Variants in PLA2G7 observed in about 807,000 individuals in gnomAD.
PLA2G7 encodes phospholipase A2 group VII.
Under a neutral mutation model 49.6 loss-of-function variants are expected in PLA2G7, and 63 were observed. The observed-to-expected ratio is 1.27, with a 90% CI of 1.04 to 1.57. PLA2G7 has a LOEUF of 1.57. Among genes scored for constraint, PLA2G7 ranks in the 40% most tolerant of loss-of-function variants. The pLI is 0.00. For missense variants in PLA2G7, 596 were observed against 521.2 expected (o/e 1.14, Z -1.40); for synonymous variants, 193 against 169.9 (o/e 1.14, Z -1.06).
In PLA2G7 at chr6:46,716,847, A is replaced by T. The variant is rs934106829; in HGVS notation, c.231+128T>A. 3.2e-6 allele frequency: 3 copies of T among 951,872 alleles called. No homozygotes were observed. In the African/African-American group the frequency reaches 4.8e-5, roughly 15 times the overall value. The allele number at this position is 951,872 out of a possible 1,614,324, so 59.0% of individuals were successfully genotyped here. On this transcript the variant is annotated intron_variant, in intron 3 of 11. Transcript: ENST00000274793. Reference sequence around the variant, plus strand: ...CCAAACTAGTAAAAGCCTTCATATGAAACAATACAAATTGCAAAATGAGTC... The same window carrying T: ...CCAAACTAGTAAAAGCCTTCATATGTAACAATACAAATTGCAAAATGAGTC...
intron 1 of PLA2G7, among the ~76,000 whole-genome samples, chr6:46,730,859 G>T (rs1765715959): frequency 6.6e-6 from 1 of 152,150 alleles, no homozygotes; most frequent in Non-Finnish European, 1.5e-5. Context: ...GAAAAATATG[G>T]TGGTTGATAT....
Position 46,711,484 on chromosome 6 carries a change from A to T in PLA2G7, c.663+12T>A. ...TAGGTCACCAACCACCTCTCCTTTC[A>T]CTGCAATGTACCTGCTCATTTCGTA... On this transcript the variant is annotated intron_variant, in intron 7 of 11. Transcript: ENST00000274793. The T allele has an allele frequency of 6.2e-7, 1 of 1,613,254 alleles. No individual in the cohort carries two copies. Among genetic ancestry groups the T allele is most frequent in the Non-Finnish European group, 8.5e-7 (1 of 1,179,372 alleles).
intron 5 of PLA2G7, among the ~76,000 whole-genome samples, chr6:46,712,575 A>G (rs1388566979): frequency 6.6e-6 from 1 of 152,208 alleles, no homozygotes; most frequent in Non-Finnish European, 1.5e-5. Flanking sequence ...TCTAGTGGGT[A>G]AAGGGATGCT....
intron 3 of PLA2G7, 45 bp downstream of exon 3, chr6:46,716,930 A>G (rs749827844): frequency 2.5e-6 from 4 of 1,592,398 alleles, no homozygotes; most frequent in Non-Finnish European, 3.4e-6. Context: ...ATAGCGACAG[A>G]CAATATTAGA....
intron 5 of PLA2G7, among the ~76,000 whole-genome samples, chr6:46,712,675 A>G (rs563904059): frequency 6.6e-6 from 1 of 152,196 alleles, no homozygotes; most frequent in Non-Finnish European, 1.5e-5. Context: ...GAGAAAACCC[A>G]GGGCAGTGAT....
intron 6 of PLA2G7, 46 bp downstream of exon 6, chr6:46,712,223 A>C: frequency 8.7e-7 from 1 of 1,145,534 alleles, no homozygotes; most frequent in Non-Finnish European, 1.3e-6. Flanking sequence ...GAGCATTGAC[A>C]TTCCCTGTAG....
At chr6:46,708,977 C>T (rs1764919431) in intron 9 of PLA2G7, among the ~76,000 whole-genome samples, 1 of 152,040 alleles carries the variant, frequency 6.6e-6, no homozygotes, top group Non-Finnish European at 1.5e-5. Context: ...AATGTCCTGC[C>T]CACTGGAGAA....
chr6:46,708,206 C>T, intron 9 of PLA2G7, 45 bp from the exon 10 acceptor site: 1 of 1,425,150 alleles, frequency 7.0e-7, no homozygotes, highest in South Asian at 1.1e-5. Context: ...TGGTTACATA[C>T]TAGCCAACAT....
intron 11 of PLA2G7, 65 bp from the exon 12 acceptor site, chr6:46,704,761 C>A: frequency 3.1e-6 from 3 of 982,778 alleles, no homozygotes; most frequent in Non-Finnish European, 3.3e-6. Flanking sequence ...TTTGGTGCCC[C>A]TAGGTGGCAA....
intron 1 of PLA2G7, among the ~76,000 whole-genome samples, chr6:46,729,441 A>T (rs1398419456): frequency 1.3e-5 from 2 of 152,206 alleles, no homozygotes; most frequent in African/African-American, 4.8e-5. Flanking sequence ...ATATGTACAC[A>T]CCAAAATGAA....
chr6:46,731,955 T>C (rs993500267), intron 1 of PLA2G7, among the ~76,000 whole-genome samples: 22 of 152,268 alleles, frequency 1.4e-4, no homozygotes, highest in Non-Finnish European at 2.5e-4. Context: ...CTGTCCCCTC[T>C]CCTTCCCCTG....
chr6:46,725,807 A>G (rs1765554727), intron 1 of PLA2G7, among the ~76,000 whole-genome samples: 1 of 152,202 alleles, frequency 6.6e-6, no homozygotes, highest in Admixed American at 6.5e-5. Flanking sequence ...AGGCTCGAAT[A>G]CATGCACACT....
Position 46,714,476 on chromosome 6 carries a change from C to T in PLA2G7, c.454G>A (p.Gly152Ser), listed in dbSNP as rs769767027. The T allele has an allele frequency of 4.3e-6, 7 of 1,610,062 alleles. No homozygotes were observed. The highest frequency in any genetic ancestry group is 5.9e-6 in the Non-Finnish European group (7 of 1,176,686). The change falls in exon 5 of 12, where the codon GGT becomes AGT. Residue 152 changes from glycine (G) to serine (S), a missense_variant. Physicochemically the swap from Gly to Ser is moderately conservative, Grantham distance 56. Coordinates refer to ENST00000274793, the MANE Select transcript of PLA2G7 (RefSeq NM_005084.4). ...AAACATTACCTGAATGCCCCAAGACCATGAGAAAAAACAACAAGTGGATAT... is the reference window on the plus strand; with the variant it reads ...AAACATTACCTGAATGCCCCAAGACTATGAGAAAAAACAACAAGTGGATAT... ...EKYPLVVFSH[G>S]LGAFRTLYSA...
At chr6:46,705,107 T>C in intron 11 of PLA2G7, 46 bp downstream of exon 11, 1 of 1,390,776 alleles carries the variant, frequency 7.2e-7, no homozygotes, top group South Asian at 1.2e-5. Flanking sequence ...GACAGCTTTG[T>C]CCTGAGATTC....
At chr6:46,732,968 A>G (rs1374305067) in intron 1 of PLA2G7, among the ~76,000 whole-genome samples, 1 of 152,172 alleles carries the variant, frequency 6.6e-6, no homozygotes, top group Non-Finnish European at 1.5e-5. Flanking sequence ...GCTTATTATC[A>G]CGAATCTTGA....
chr6:46,721,131 TC>T (rs1765387058), intron 2 of PLA2G7, among the ~76,000 whole-genome samples: 1 of 152,084 alleles, frequency 6.6e-6, no homozygotes, highest in African/African-American at 2.4e-5. Flanking sequence ...ACCTCCTTCT[TC>T]TGGGTTCAAG....
chr6:46,730,364 A>G (rs966981787), intron 1 of PLA2G7, among the ~76,000 whole-genome samples: 5 of 152,224 alleles, frequency 3.3e-5, no homozygotes, highest in African/African-American at 1.2e-4. Flanking sequence ...GGAGCAGTTA[A>G]AGTACAGGTT....
chr6:46,704,669 TC>T lies in PLA2G7; in HGVS notation c.1216del (p.Asp406ThrfsTer3). On this transcript the variant is annotated frameshift_variant, in exon 12 of 12. Transcript: ENST00000274793. LOFTEE classifies it low-confidence loss of function (END_TRUNC). ...LGLHKDFDQW[D>X]CLIEGDDENL... Reference sequence around the variant, plus strand: ...CTCATCATCTCCTTCAATCAAGCAGTCCCACTGATCAAAATCTTTATGAAGT... The same window carrying T: ...CTCATCATCTCCTTCAATCAAGCAGTCCACTGATCAAAATCTTTATGAAGT... The T allele has an allele frequency of 6.3e-7, 1 of 1,579,714 alleles. No individual in the cohort carries two copies. Among genetic ancestry groups the T allele is most frequent in the Non-Finnish European group, 8.7e-7 (1 of 1,148,446 alleles).
At chr6:46,732,368 TACACACACAC>T (rs59891486) in intron 1 of PLA2G7, among the ~76,000 whole-genome samples, 297 of 140,958 alleles carry the variant, frequency 2.1e-3, no homozygotes, top group African/African-American at 7.0e-3. Context: ...AACACACACA[TACACACACAC>T]ACACACACAC....
Sources: allele counts gnomAD v4.1 joint callset (sites outside exome capture counted in the v4.1 genomes callset), GRCh38; gene constraint gnomAD v4.1.1; transcripts MANE v1.5; gene names NCBI Gene and HGNC (gene_info 2026-07-23, HGNC 2026-07-21).